ASCC3: variants seen among roughly 807,000 people sequenced by gnomAD.
The protein encoded by ASCC3 is ASC-1 complex subunit P200.
Under a neutral mutation model 256.3 loss-of-function variants are expected in ASCC3, and 158 were observed. The ratio of observed to expected loss-of-function variants is 0.62; its 90% CI spans 0.54 to 0.70. ASCC3 has a LOEUF of 0.70. ASCC3 is among the 30% of genes least tolerant of loss of function. ASCC3 has a pLI of 0.00. For missense variants in ASCC3, 2,259 were observed against 2,626.0 expected, an observed-to-expected ratio of 0.86 and a Z score of 3.05; for synonymous variants, 948 against 883.4, an observed-to-expected ratio of 1.07 and a Z score of -1.30.
intron 10 of ASCC3, among the ~76,000 whole-genome samples, chr6:100,728,495 C>G (rs1215789740): frequency 6.6e-6 from 1 of 151,878 alleles, no homozygotes; most frequent in Non-Finnish European, 1.5e-5. Flanking sequence ...TCCTAATATA[C>G]TATATACCCA....
At chr6:100,587,534 T>C (rs563061142) in intron 36 of ASCC3, among the ~76,000 whole-genome samples, 6 of 152,246 alleles carry the variant, frequency 3.9e-5, no homozygotes, top group African/African-American at 1.4e-4. Flanking sequence ...GAACCCTCAT[T>C]GAGATAATAC....
intron 4 of ASCC3, among the ~76,000 whole-genome samples, chr6:100,815,535 C>A (rs1297676658): frequency 6.6e-6 from 1 of 151,970 alleles, no homozygotes; most frequent in African/African-American, 2.4e-5. Context: ...GCTACCATAA[C>A]CAAAACAGCA....
At chr6:100,790,337 G>A (rs1769293166) in intron 8 of ASCC3, among the ~76,000 whole-genome samples, 1 of 151,974 alleles carries the variant, frequency 6.6e-6, no homozygotes. Flanking sequence ...TAACTGGATA[G>A]CAAGCTTCTT....
chr6:100,714,767 G>GA (rs1779011163), intron 13 of ASCC3, among the ~76,000 whole-genome samples: 1 of 151,982 alleles, frequency 6.6e-6, no homozygotes, highest in African/African-American at 2.4e-5. Flanking sequence ...CCTAAAAACA[G>GA]AAAAAATGCC....
chr6:100,691,580 A>C (rs946223812), intron 13 of ASCC3, among the ~76,000 whole-genome samples: 3 of 151,958 alleles, frequency 2.0e-5, no homozygotes, highest in Admixed American at 2.0e-4. Flanking sequence ...ACACCTTAAC[A>C]TTTTCTTGAA....
At chr6:100,843,596 T>G (rs1215660817) in intron 4 of ASCC3, among the ~76,000 whole-genome samples, 2 of 152,160 alleles carry the variant, frequency 1.3e-5, no homozygotes, top group South Asian at 4.1e-4. Flanking sequence ...ATCTCCAATA[T>G]GCTAGCCTTT....
chr6:100,698,265 T>C (rs936158708), intron 13 of ASCC3, among the ~76,000 whole-genome samples: 2 of 152,106 alleles, frequency 1.3e-5, no homozygotes, highest in Non-Finnish European at 2.9e-5. Context: ...AAATTGTTAA[T>C]AGCAATGAAG....
chr6:100,873,840 CT>C (rs950152121), intron 1 of ASCC3, among the ~76,000 whole-genome samples: 1 of 152,146 alleles, frequency 6.6e-6, no homozygotes, highest in Non-Finnish European at 1.5e-5. Flanking sequence ...GAACACGCCA[CT>C]ACCAAGCCAG....
At chr6:100,790,931 T>A (rs1452163193) in intron 8 of ASCC3, among the ~76,000 whole-genome samples, 1 of 151,912 alleles carries the variant, frequency 6.6e-6, no homozygotes, top group Non-Finnish European at 1.5e-5. Context: ...GAAAAGGTTT[T>A]GGGCATACAG....
At chr6:100,741,719 T>C (rs1780444798) in intron 10 of ASCC3, among the ~76,000 whole-genome samples, 1 of 152,212 alleles carries the variant, frequency 6.6e-6, no homozygotes, top group Admixed American at 6.5e-5. Context: ...GTAGTGTTAT[T>C]CAGCTCCATG....
chr6:100,749,815 A>G (rs548567648), intron 10 of ASCC3, among the ~76,000 whole-genome samples: 2 of 151,872 alleles, frequency 1.3e-5, no homozygotes, highest in South Asian at 4.1e-4. Flanking sequence ...GCTCTGAAAA[A>G]TAAGATTACA....
chr6:100,647,483 T>C (rs1775439500), intron 20 of ASCC3, 32 bp from the exon 21 acceptor site: 3 of 1,558,650 alleles, frequency 1.9e-6, no homozygotes, highest in Non-Finnish European at 2.7e-6. Flanking sequence ...TTGGTGGTTA[T>C]ACCCAATGTG....
intron 10 of ASCC3, among the ~76,000 whole-genome samples, chr6:100,730,743 A>C (rs1332303233): frequency 6.6e-6 from 1 of 152,178 alleles, no homozygotes; most frequent in East Asian, 1.9e-4. Context: ...AGTCCCCATA[A>C]TGGAATCTGA....
chr6:100,580,633 C>A (rs1033910722), intron 36 of ASCC3, among the ~76,000 whole-genome samples: 1 of 151,800 alleles, frequency 6.6e-6, no homozygotes, highest in African/African-American at 2.4e-5. Flanking sequence ...GCACAATGTG[C>A]AGGTTAGTTA....
At chr6:100,744,770 T>G (rs1043766491) in intron 10 of ASCC3, among the ~76,000 whole-genome samples, 1 of 152,106 alleles carries the variant, frequency 6.6e-6, no homozygotes, top group Admixed American at 6.5e-5. Flanking sequence ...CAAGGAAGAG[T>G]TAAATAAATA....
At chr6:100,741,507 T>C (rs1032993712) in intron 10 of ASCC3, among the ~76,000 whole-genome samples, 3 of 152,188 alleles carry the variant, frequency 2.0e-5, no homozygotes, top group African/African-American at 7.2e-5. Context: ...CCCCATCTCG[T>C]TTAGGTACCC....
At chr6:100,599,702 A>G (rs1452900441) in intron 34 of ASCC3, among the ~76,000 whole-genome samples, 1 of 152,108 alleles carries the variant, frequency 6.6e-6, no homozygotes, top group Admixed American at 6.5e-5. Flanking sequence ...ACATATACAA[A>G]GGGCAACGTA....
chr6:100,874,295 G>A (rs1388971327), intron 1 of ASCC3, among the ~76,000 whole-genome samples: 9 of 151,756 alleles, frequency 5.9e-5, no homozygotes, highest in Non-Finnish European at 1.0e-4. Flanking sequence ...GTGAAACCCC[G>A]TCTCTACTAA....
chr6:100,829,961 G>T (rs915126477), intron 4 of ASCC3, among the ~76,000 whole-genome samples: 15 of 152,004 alleles, frequency 9.9e-5, no homozygotes, highest in Non-Finnish European at 2.1e-4. Flanking sequence ...GAAGAAATCA[G>T]CTAATATGAT....
Sources: allele counts gnomAD v4.1 joint callset (sites outside exome capture counted in the v4.1 genomes callset), GRCh38; gene constraint gnomAD v4.1.1; transcripts MANE v1.5; gene names NCBI Gene and HGNC (gene_info 2026-07-23, HGNC 2026-07-21).